The following IKBKB variants were observed in gnomAD, a reference collection of about 807,000 sequenced individuals.
The protein encoded by IKBKB is inhibitor of nuclear factor kappa B kinase subunit beta, also known as inhibitor of nuclear factor kappa-B kinase subunit beta.
A neutral mutation model predicts 113.6 loss-of-function variants in IKBKB; 42 were observed. That is an observed-to-expected ratio of 0.37 (90% CI 0.29 to 0.48). The LOEUF is 0.48. IKBKB is among the 20% of genes least tolerant of loss of function. The pLI is 0.99. For missense variants in IKBKB, 673 were observed against 939.7 expected (o/e 0.72, Z 3.71); for synonymous variants, 296 against 361.3 (o/e 0.82, Z 2.05).
chr8:42,294,833 C>G (rs1813389709), intron 5 of IKBKB, among the ~76,000 whole-genome samples: 1 of 152,124 alleles, frequency 6.6e-6, no homozygotes, highest in African/African-American at 2.4e-5. Flanking sequence ...TTCTTGACAC[C>G]CTGACCCAAG....
chr8:42,320,559 G>A (rs1003924990), intron 15 of IKBKB, 176 bp from the exon 16 acceptor site: 27 of 548,080 alleles, frequency 4.9e-5, no homozygotes, highest in Middle Eastern at 4.5e-4. Flanking sequence ...GCTAGAAAGC[G>A]GTGGACCCTA....
At chr8:42,312,044 G>A (rs1250365563) in intron 8 of IKBKB, among the ~76,000 whole-genome samples, 2 of 152,038 alleles carry the variant, frequency 1.3e-5, no homozygotes, top group Non-Finnish European at 2.9e-5. Flanking sequence ...CCGCCACCAC[G>A]CCTGGCTAAT....
At chr8:42,309,670 A>G (rs1197467198) in intron 8 of IKBKB, 1 of 173,266 alleles carries the variant, frequency 5.8e-6, no homozygotes, top group Non-Finnish European at 1.3e-5. Flanking sequence ...AATTGCTTAA[A>G]CCCAGGAGGC....
chr8:42,299,627 G>A (rs562397903), intron 5 of IKBKB, among the ~76,000 whole-genome samples: 11 of 150,474 alleles, frequency 7.3e-5, no homozygotes, highest in Non-Finnish European at 1.3e-4. Flanking sequence ...CATGATCCTC[G>A]GAACCCACCT....
intron 21 of IKBKB, 99 bp downstream of exon 21, chr8:42,329,313 C>CA: frequency 7.0e-7 from 1 of 1,423,226 alleles, no homozygotes; most frequent in Non-Finnish European, 9.2e-7. Flanking sequence ...TCCTCAACCT[C>CA]AGTGTTTGTT....
At chr8:42,327,829 A>G (rs1165875841) in intron 20 of IKBKB, among the ~76,000 whole-genome samples, 56 of 1,660 alleles carry the variant, frequency 0.034, no homozygotes, top group Admixed American at 0.085. Context: ...TTTGAGACGG[A>G]GTCTCGCTCT....
In IKBKB at chr8:42,329,174, C is replaced by T; in HGVS notation, c.2165C>T (p.Ala722Val). The change falls in exon 21 of 22, where the codon GCC becomes GTC. Residue 722 changes from alanine to valine, a missense_variant. By Grantham distance (64) the Ala-to-Val change is moderately conservative. This residue lies in a region of IKBKB where 506 missense variants were observed against 638.7 expected (regional missense o/e 0.79). Coordinates refer to ENST00000520810, the MANE Select transcript of IKBKB (RefSeq NM_001556.3). ...AHNLCTLLENAIQDTVREQDQ... is the reference protein window; with the variant it reads ...AHNLCTLLENVIQDTVREQDQ... The stretch of plus-strand genomic sequence containing the variant: ...AACCTCTGCACCCTGCTAGAAAATG[C>T]CATACAGGACACTGTGAGGGAACAA... 1 of 1,603,894 alleles carries T rather than the reference C, an allele frequency of 6.2e-7. No individual in the cohort carries two copies. Among genetic ancestry groups the T allele is most frequent in the African/African-American group, 1.3e-5 (1 of 74,462 alleles).
chr8:42,306,210 C>T, intron 6 of IKBKB, 133 bp from the exon 7 acceptor site: 2 of 612,756 alleles, frequency 3.3e-6, no homozygotes, highest in Non-Finnish European at 6.0e-6. Flanking sequence ...TATCTGGTGG[C>T]TCTTAGGAGT....
chr8:42,284,021 T>G (rs1810884918), intron 2 of IKBKB, among the ~76,000 whole-genome samples: 1 of 152,214 alleles, frequency 6.6e-6, no homozygotes, highest in African/African-American at 2.4e-5. Context: ...TCCCCACGTC[T>G]GAGCTCCTCT....
At chr8:42,328,766 AC>A (rs1265346777) in intron 20 of IKBKB, among the ~76,000 whole-genome samples, 1 of 152,106 alleles carries the variant, frequency 6.6e-6, no homozygotes, top group Non-Finnish European at 1.5e-5. Flanking sequence ...TTTTTTGTCT[AC>A]TTCAAAAATT....
Position 42,316,125 on chromosome 8 carries a change from C to G in IKBKB, c.801-85C>G, listed in dbSNP as rs878939717. On this transcript the variant is annotated intron_variant, in intron 9 of 21. Transcript: ENST00000520810. The surrounding 1 kb of genome is among the most constrained non-coding windows in gnomAD (Gnocchi z 4.5). ...ATTTTCAATCACCGTCTACTGGCTG[C>G]CGTCTGTGTGTATACTGGGAGACGC... 3 of 1,437,664 alleles carry G rather than the reference C, an allele frequency of 2.1e-6. No individual in the cohort carries two copies. The allele number at this position is 1,437,664 out of a possible 1,614,324, so 89.1% of individuals were successfully genotyped here.
chr8:42,276,029 C>T (rs1033421276), intron 2 of IKBKB, among the ~76,000 whole-genome samples: 10 of 152,068 alleles, frequency 6.6e-5, no homozygotes, highest in Non-Finnish European at 1.2e-4. Flanking sequence ...TCAGCAGAGA[C>T]GGGGTTTTAC....
At chr8:42,295,386 C>G (rs548842591) in intron 5 of IKBKB, among the ~76,000 whole-genome samples, 1 of 150,904 alleles carries the variant, frequency 6.6e-6, no homozygotes, top group African/African-American at 2.4e-5. Flanking sequence ...CCCAAAGTGC[C>G]GAGATTACAG....
chr8:42,317,840 A>G, intron 12 of IKBKB, 69 bp downstream of exon 12: 1 of 1,144,012 alleles, frequency 8.7e-7, no homozygotes, highest in Non-Finnish European at 1.3e-6. Context: ...CAGGGAAGGG[A>G]GACTGGACTA....
intron 19 of IKBKB, 121 bp downstream of exon 19, chr8:42,322,615 T>A: frequency 9.9e-7 from 1 of 1,013,206 alleles, no homozygotes; most frequent in Non-Finnish European, 1.5e-6. Flanking sequence ...ACTCAGCTGC[T>A]GCTCGGGCTT....
chr8:42,280,927 A>G (rs1810258266), intron 2 of IKBKB, among the ~76,000 whole-genome samples: 1 of 152,060 alleles, frequency 6.6e-6, no homozygotes, highest in Non-Finnish European at 1.5e-5. Context: ...TCACTTCTCT[A>G]GGGATTTATA....
intron 8 of IKBKB, chr8:42,309,438 G>C (rs1448807699): frequency 1.3e-5 from 5 of 382,202 alleles, no homozygotes; most frequent in African/African-American, 2.1e-5. Flanking sequence ...ACTACAACCT[G>C]AATATAAATT....
chr8:42,272,319 G>A (rs762799388), intron 2 of IKBKB, 114 bp downstream of exon 2: 1 of 1,433,008 alleles, frequency 7.0e-7, no homozygotes, highest in South Asian at 1.2e-5. Context: ...GGTCATCTTG[G>A]GACAGTGAAT....
chr8:42,295,188 A>G (rs1250581802), intron 5 of IKBKB, among the ~76,000 whole-genome samples: 4 of 136,524 alleles, frequency 2.9e-5, no homozygotes, highest in Non-Finnish European at 6.0e-5. Context: ...AGGCGACCTC[A>G]GCTCACTGCA....
Sources: allele counts gnomAD v4.1 joint callset (sites outside exome capture counted in the v4.1 genomes callset), GRCh38; gene constraint gnomAD v4.1.1; regional missense constraint gnomAD v4.1.1; non-coding constraint Gnocchi (gnomAD v3.1); transcripts MANE v1.5; gene names NCBI Gene and HGNC (gene_info 2026-07-23, HGNC 2026-07-21).